ADGRL3: variants seen among roughly 807,000 people sequenced by gnomAD.
ADGRL3 encodes adhesion G protein-coupled receptor L3.
In ADGRL3, 62 loss-of-function variants were observed where a neutral mutation model predicts 153.5. The ratio of observed to expected loss-of-function variants is 0.40; its 90% CI spans 0.33 to 0.50. The LOEUF is 0.50. ADGRL3 is among the 20% of genes least tolerant of loss of function. ADGRL3 has a pLI of 0.47. For missense variants in ADGRL3, 1,641 were observed against 1,859.4 expected, an observed-to-expected ratio of 0.88 and a Z score of 2.16; for synonymous variants, 710 against 672.5, an observed-to-expected ratio of 1.06 and a Z score of -0.86.
At chr4:61,301,943 G>A (rs970382462) in intron 1 of ADGRL3, among the ~76,000 whole-genome samples, 1 of 152,168 alleles carries the variant, frequency 6.6e-6, no homozygotes, top group African/African-American at 2.4e-5. Flanking sequence ...TAAGATCAGG[G>A]TTGGCAAAGG....
At chr4:61,311,182 A>G (rs1408978395) in intron 1 of ADGRL3, among the ~76,000 whole-genome samples, 1 of 152,198 alleles carries the variant, frequency 6.6e-6, no homozygotes, top group African/African-American at 2.4e-5. Context: ...CAAATAAGGT[A>G]TTAACACCAT....
intron 13 of ADGRL3, among the ~76,000 whole-genome samples, chr4:61,919,010 C>T (rs2149947016): frequency 6.6e-6 from 1 of 152,274 alleles, no homozygotes; most frequent in East Asian, 1.9e-4. Flanking sequence ...TGTTTGGTCA[C>T]TTAATTGGCT....
At chr4:61,285,585 T>C (rs1407246863) in intron 1 of ADGRL3, among the ~76,000 whole-genome samples, 1 of 151,830 alleles carries the variant, frequency 6.6e-6, no homozygotes, top group Non-Finnish European at 1.5e-5. Context: ...TTCAAGACAG[T>C]TAGGCATTGT....
At chr4:61,742,352 C>T (rs996422296) in intron 8 of ADGRL3, among the ~76,000 whole-genome samples, 10 of 152,084 alleles carry the variant, frequency 6.6e-5, no homozygotes, top group Non-Finnish European at 8.8e-5. Flanking sequence ...GATCTCGGCT[C>T]ACTGCAAGCT....
chr4:61,249,336 C>A (rs550628252), intron 1 of ADGRL3, among the ~76,000 whole-genome samples: 2 of 152,130 alleles, frequency 1.3e-5, no homozygotes, highest in East Asian at 3.8e-4. Flanking sequence ...TACAGAAATA[C>A]ATTTCTCTGT....
intron 2 of ADGRL3, among the ~76,000 whole-genome samples, chr4:61,448,170 G>A (rs567481107): frequency 2.8e-4 from 43 of 152,156 alleles, no homozygotes; most frequent in Non-Finnish European, 6.0e-4. Flanking sequence ...ATCACTAATA[G>A]CATGCTGATA....
intron 9 of ADGRL3, among the ~76,000 whole-genome samples, chr4:61,890,360 A>G (rs1444943109): frequency 9.2e-5 from 14 of 152,198 alleles, no homozygotes; most frequent in Non-Finnish European, 1.8e-4. Flanking sequence ...TTCATTTTCT[A>G]CCACTGTAAC....
At chr4:61,242,150 C>A (rs1755223302) in intron 1 of ADGRL3, among the ~76,000 whole-genome samples, 1 of 152,002 alleles carries the variant, frequency 6.6e-6, no homozygotes, top group African/African-American at 2.4e-5. Flanking sequence ...TTCACCCCAT[C>A]CACTTTTTCC....
chr4:61,855,954 A>G (rs2098258689), intron 9 of ADGRL3, among the ~76,000 whole-genome samples: 1 of 152,182 alleles, frequency 6.6e-6, no homozygotes, highest in Non-Finnish European at 1.5e-5. Context: ...ATCCCAGACA[A>G]TAGGAGACAG....
intron 9 of ADGRL3, among the ~76,000 whole-genome samples, chr4:61,877,919 G>C (rs1344861488): frequency 1.3e-5 from 2 of 152,120 alleles, no homozygotes; most frequent in Admixed American, 6.6e-5. Context: ...CATGAGACCT[G>C]ATGATGATTT....
At chr4:61,856,604 CTTTTTTTTTTTT>C (rs1157019252) in intron 9 of ADGRL3, among the ~76,000 whole-genome samples, 11 of 15,598 alleles carry the variant, frequency 7.1e-4, no homozygotes, top group Non-Finnish European at 1.4e-3. Flanking sequence ...CTCTCTCTCT[CTTTTTTTTTTTT>C]TTTTTTTTTT....
rs1163736842 is a variant in ADGRL3, at chr4:61,464,873, G to T, written c.-173-32248G>T. On this transcript the variant is annotated intron_variant, in intron 2 of 26. Coordinates refer to ENST00000683033, the MANE Select transcript of ADGRL3 (RefSeq NM_001387552.1). ...CAATGGGTTGTATTTAGGGCATATT[G>T]CCTGAATGCTTCTGGCAATTCAACA... Among the ~76,000 whole-genome samples the T allele has an allele frequency of 2.6e-5, 4 of 152,192 alleles. No individual in the cohort carries two copies. In the South Asian group the frequency reaches 8.3e-4, roughly 32 times the overall value.
intron 1 of ADGRL3, among the ~76,000 whole-genome samples, chr4:61,364,531 A>C (rs186048921): frequency 1.3e-5 from 2 of 152,054 alleles, no homozygotes; most frequent in Non-Finnish European, 2.9e-5. Flanking sequence ...TTTTTAAAAT[A>C]TTTATTTATA....
intron 1 of ADGRL3, among the ~76,000 whole-genome samples, chr4:61,262,470 A>G (rs1311521243): frequency 6.6e-6 from 1 of 151,998 alleles, no homozygotes; most frequent in African/African-American, 2.4e-5. Flanking sequence ...CTCTTTTTTA[A>G]AAAAATTGGG....
At chr4:61,887,466 C>G (rs2098545984) in intron 9 of ADGRL3, among the ~76,000 whole-genome samples, 2 of 152,098 alleles carry the variant, frequency 1.3e-5, no homozygotes, top group Non-Finnish European at 2.9e-5. Context: ...CCTATATTTT[C>G]TCATTTTTAA....
intron 1 of ADGRL3, among the ~76,000 whole-genome samples, chr4:61,306,811 C>T (rs1287164656): frequency 1.3e-5 from 2 of 152,178 alleles, no homozygotes; most frequent in East Asian, 3.9e-4. Context: ...ATCTGTTGCC[C>T]TATTTCAGTC....
At chr4:61,397,414 G>A (rs2096881228) in intron 2 of ADGRL3, among the ~76,000 whole-genome samples, 1 of 151,912 alleles carries the variant, frequency 6.6e-6, no homozygotes, top group Non-Finnish European at 1.5e-5. Context: ...AAGAAATGAG[G>A]CAAGTGTGGG....
At chr4:61,218,455 G>A (rs1181582250) in intron 1 of ADGRL3, among the ~76,000 whole-genome samples, 1 of 151,948 alleles carries the variant, frequency 6.6e-6, no homozygotes, top group Non-Finnish European at 1.5e-5. Flanking sequence ...GACTACAGGT[G>A]TGCACCACCA....
chr4:61,308,350 G>A (rs1417890681), intron 1 of ADGRL3, among the ~76,000 whole-genome samples: 2 of 152,190 alleles, frequency 1.3e-5, no homozygotes, highest in African/African-American at 4.8e-5. Context: ...GCACTTCCCT[G>A]GAAGGGTGAC....
Sources: allele counts gnomAD v4.1 joint callset (sites outside exome capture counted in the v4.1 genomes callset), GRCh38; gene constraint gnomAD v4.1.1; transcripts MANE v1.5; gene names NCBI Gene and HGNC (gene_info 2026-07-23, HGNC 2026-07-21).